Variants in LITAF observed in about 807,000 individuals in gnomAD.
LITAF encodes the protein lipopolysaccharide induced TNF factor, also known as lipopolysaccharide-induced tumor necrosis factor-alpha factor.
LITAF carries 9 observed loss-of-function variants against 14.5 expected under a neutral mutation model. That is an observed-to-expected ratio of 0.62 (90% CI 0.37 to 1.08). LITAF has a LOEUF of 1.08. Among genes scored for constraint, LITAF ranks in the 50% least tolerant of loss-of-function variants. The pLI is 0.01. For missense variants in LITAF, 206 were observed against 213.4 expected (o/e 0.97, Z 0.22); for synonymous variants, 98 against 88.2 (o/e 1.11, Z -0.62).
chr16:11,597,063 G>C (rs1312812510), intron 1 of LITAF, among the ~76,000 whole-genome samples: 1 of 152,122 alleles, frequency 6.6e-6, no homozygotes. Flanking sequence ...TGGCTGATTC[G>C]TGAAGTTGTC....
rs115167825 is a variant in LITAF, at chr16:11,618,056, C to T, written c.85+15477G>A. ...CAGCTTCCAAAAAAATTTTTTTGTT[C>T]GAAGAGATGGGGTCTCACTATGTTG... is the stretch of plus-strand genomic sequence containing the variant. On this transcript the variant is annotated intron_variant, in intron 3 of 3. Coordinates refer to the LITAF transcript ENST00000574848. Among the ~76,000 whole-genome samples the T allele has an allele frequency of 6.1e-3, 929 of 151,998 alleles. 18 individuals carry two copies. The highest frequency in any genetic ancestry group is 0.021 in the African/African-American group (890 of 41,488).
chr16:11,559,752 T>C (rs1302549333), intron 1 of LITAF, among the ~76,000 whole-genome samples: 1 of 150,454 alleles, frequency 6.6e-6, no homozygotes, highest in East Asian at 1.9e-4. Context: ...CCCAGCACTT[T>C]GGGAGGCTGA....
intron 1 of LITAF, among the ~76,000 whole-genome samples, chr16:11,565,738 C>G (rs2064442122): frequency 6.6e-6 from 1 of 152,236 alleles, no homozygotes; most frequent in South Asian, 2.1e-4. Flanking sequence ...CCACACCTGC[C>G]TTGCTTGGAT....
In LITAF at chr16:11,605,563, G is replaced by T. The variant is rs764863783; in HGVS notation, c.85+27970C>A. On this transcript the variant is annotated intron_variant, in intron 3 of 3. Coordinates refer to the LITAF transcript ENST00000574848. The surrounding 1 kb of genome is among the most constrained non-coding windows in gnomAD (Gnocchi z 4.7). ...GGGAAGAAAAGGAGAAAGAAGGGAG[G>T]GAAAAAGAGAAATGAAAAGAAAAAG... Among the ~76,000 whole-genome samples the T allele has an allele frequency of 7.9e-5, 12 of 152,230 alleles. No individual in the cohort carries two copies. The highest frequency in any genetic ancestry group is 3.3e-4 in the Admixed American group (5 of 15,268).
In LITAF at chr16:11,605,526, G is replaced by A. The variant is rs753339784; in HGVS notation, c.85+28007C>T. On this transcript the variant is annotated intron_variant, in intron 3 of 3. Transcript: ENST00000574848. This position sits in a 1 kb window ranked among gnomAD's most constrained non-coding sequence, Gnocchi z 4.7. Reference sequence around the variant, plus strand: ...GGAGGGAGACTCCTAGGCAGGGGCCGCAAGGAAGGAAGGGAAGAAAAGGAG... The same window carrying A: ...GGAGGGAGACTCCTAGGCAGGGGCCACAAGGAAGGAAGGGAAGAAAAGGAG... 5.3e-5 allele frequency among the ~76,000 whole-genome samples: 8 copies of A among 152,168 alleles called. No homozygotes were observed. The highest frequency in any genetic ancestry group is 2.6e-4 in the Admixed American group (4 of 15,280).
intron 1 of LITAF, among the ~76,000 whole-genome samples, chr16:11,576,241 G>A (rs1262746240): frequency 3.3e-5 from 5 of 152,058 alleles, no homozygotes; most frequent in Non-Finnish European, 7.4e-5. Flanking sequence ...GGCCGAGGCG[G>A]GTGAATCACT....
Position 11,553,709 on chromosome 16 carries a change from C to A in LITAF, c.221-20G>T, listed in dbSNP as rs935143160. The A allele has an allele frequency of 6.2e-7, 1 of 1,613,780 alleles. No individual in the cohort carries two copies. Among genetic ancestry groups the A allele is most frequent in the African/African-American group, 1.3e-5 (1 of 74,918 alleles). On this transcript the variant is annotated intron_variant, in intron 2 of 3. Coordinates refer to ENST00000622633, the MANE Select transcript of LITAF (RefSeq NM_001136472.2). The surrounding 1 kb of genome is among the most constrained non-coding windows in gnomAD (Gnocchi z 7.7). ...CGGTAACTGATGAAAGGGAGAGGGACAAACACAGGTTGCTCAGGAAACAAG... is the reference window on the plus strand; with the variant it reads ...CGGTAACTGATGAAAGGGAGAGGGAAAAACACAGGTTGCTCAGGAAACAAG...
At chr16:11,594,293 C>A (rs989664594) in intron 1 of LITAF, among the ~76,000 whole-genome samples, 1 of 137,502 alleles carries the variant, frequency 7.3e-6, no homozygotes, top group Non-Finnish European at 1.5e-5. Flanking sequence ...TTCATTACAA[C>A]AACTGTATCC....
At chr16:11,554,172 C>A (rs958567568) in intron 2 of LITAF, among the ~76,000 whole-genome samples, 3 of 152,244 alleles carry the variant, frequency 2.0e-5, no homozygotes, top group African/African-American at 7.2e-5. Context: ...ATTGAGGATG[C>A]AGTGAATCAT....
chr16:11,609,462 T>TAC (rs1367128321), intron 3 of LITAF, among the ~76,000 whole-genome samples: 2 of 152,058 alleles, frequency 1.3e-5, no homozygotes, highest in Non-Finnish European at 2.9e-5. Context: ...GATCCACCCG[T>TAC]CTCGGCCTCC....
chr16:11,565,557 C>T (rs2064438385), intron 1 of LITAF, among the ~76,000 whole-genome samples: 1 of 152,022 alleles, frequency 6.6e-6, no homozygotes, highest in East Asian at 1.9e-4. Context: ...GGTCTTGGTT[C>T]AGTCCATCCC....
intron 3 of LITAF, among the ~76,000 whole-genome samples, chr16:11,621,061 A>C (rs958963269): frequency 7.2e-6 from 1 of 138,076 alleles, no homozygotes; most frequent in Non-Finnish European, 1.5e-5. Context: ...ACACCCAGTT[A>C]ATTTTTTTTT....
rs752978718 is a variant in LITAF at position 11,556,580 on chromosome 16, G to A, written c.151C>T (p.Pro51Ser). The A allele has an allele frequency of 2.0e-5, 33 of 1,614,064 alleles. No homozygotes were observed. In the Admixed American group the frequency reaches 4.2e-4, roughly 20 times the overall value. ...PGPTTGLVTG[P>S]DGKGMNPPSY... Reference sequence around the variant, plus strand: ...GGAGGATTCATGCCCTTCCCATCAGGCCCCGTCACAAGCCCCGTAGTTGGC... The same window carrying A: ...GGAGGATTCATGCCCTTCCCATCAGACCCCGTCACAAGCCCCGTAGTTGGC... The change falls in exon 2 of 4, where the codon CCT becomes TCT. Residue 51 changes from proline to serine, a missense_variant. Transcript: ENST00000622633.
Position 11,627,949 on chromosome 16 carries a change from G to A in LITAF, c.85+5584C>T, listed in dbSNP as rs557360888. 8.0e-5 allele frequency among the ~76,000 whole-genome samples: 12 copies of A among 150,760 alleles called. No homozygotes were observed. In the South Asian group the frequency reaches 1.5e-3, roughly 19 times the overall value. On this transcript the variant is annotated intron_variant, in intron 3 of 3. Coordinates refer to the LITAF transcript ENST00000574848. Reference sequence around the variant, plus strand: ...GGAAAATCATTTGAACCCAGGAGGCGGAGGTTGCAGTGAGATTGCGTCACT... The same window carrying A: ...GGAAAATCATTTGAACCCAGGAGGCAGAGGTTGCAGTGAGATTGCGTCACT...
chr16:11,596,452 A>AGAGGAGGAG (rs75949027), intron 1 of LITAF, among the ~76,000 whole-genome samples: 25,326 of 79,932 alleles, frequency 0.32, 5,556 homozygotes, highest in African/African-American at 0.53. Flanking sequence ...AAATCCCAAT[A>AGAGGAGGAG]GAGGAGGAGG....
intron 3 of LITAF, among the ~76,000 whole-genome samples, chr16:11,552,823 A>C (rs560437832): frequency 2.0e-5 from 3 of 152,198 alleles, no homozygotes; most frequent in African/African-American, 7.2e-5. Flanking sequence ...ACAATAAAGA[A>C]ATGTCTTGGG....
intron 3 of LITAF, among the ~76,000 whole-genome samples, chr16:11,604,770 T>TG (rs958107349): frequency 1.3e-4 from 19 of 151,942 alleles, no homozygotes; most frequent in Admixed American, 6.6e-4. Flanking sequence ...CTTTTCTTTT[T>TG]TTTTTTTTAG....
chr16:11,630,953 C>T (rs776970339), intron 3 of LITAF, among the ~76,000 whole-genome samples: 3 of 152,120 alleles, frequency 2.0e-5, no homozygotes, highest in Non-Finnish European at 2.9e-5. Context: ...GCAGTAGCCA[C>T]GATAACAGCA....
upstream of LITAF, among the ~76,000 whole-genome samples, chr16:11,638,760 T>TA (rs1215976892): frequency 1.5e-5 from 2 of 136,674 alleles, no homozygotes; most frequent in Non-Finnish European, 3.1e-5. Context: ...ATTTAGCATC[T>TA]AACTTTAATT....
Sources: allele counts gnomAD v4.1 joint callset (sites outside exome capture counted in the v4.1 genomes callset), GRCh38; gene constraint gnomAD v4.1.1; non-coding constraint Gnocchi (gnomAD v3.1); transcripts MANE v1.5; gene names NCBI Gene and HGNC (gene_info 2026-07-23, HGNC 2026-07-21).